Variants in CPLANE1 observed in about 807,000 individuals in gnomAD.
CPLANE1 encodes the protein ciliogenesis and planar polarity effector 1.
CPLANE1 carries 263 observed loss-of-function variants against 362.5 expected under a neutral mutation model. That is an observed-to-expected ratio of 0.73 (90% CI 0.66 to 0.80). The LOEUF (loss-of-function observed/expected upper bound fraction) is 0.80, where lower values mean the gene tolerates loss of function less well. Among genes scored for constraint, CPLANE1 ranks in the 30% least tolerant of loss-of-function variants. The pLI is 0.00. For synonymous variants in CPLANE1, 1,212 were observed against 1,302.6 expected, an observed-to-expected ratio of 0.93 and a Z score of 1.50; for missense variants, 3,461 against 3,793.4, an observed-to-expected ratio of 0.91 and a Z score of 2.30.
chr5:37,210,304 A>C, intron 16 of CPLANE1: 1 of 1,495,578 alleles, frequency 6.7e-7, no homozygotes, highest in East Asian at 2.3e-5. Flanking sequence ...GAACTGAACC[A>C]GAAGCTCCAG....
intron 27 of CPLANE1, among the ~76,000 whole-genome samples, 179 bp from the exon 28 acceptor site, chr5:37,180,362 T>C (rs567831934): frequency 1.2e-4 from 18 of 152,182 alleles, no homozygotes; most frequent in African/African-American, 4.3e-4. Flanking sequence ...TGGTTTCATA[T>C]TTATAAAATC....
chr5:37,093,326 T>C, the CPLANE1 span, among the ~76,000 whole-genome samples: 2 of 152,214 alleles, frequency 1.3e-5, no homozygotes, highest in Non-Finnish European at 2.9e-5. Context: ...AGCCACAAGA[T>C]GCACTGGCAT....
chr5:37,097,137 C>T, the CPLANE1 span, among the ~76,000 whole-genome samples: 2 of 151,972 alleles, frequency 1.3e-5, no homozygotes, highest in African/African-American at 4.8e-5. Context: ...TCACTTGAGG[C>T]CAGGAGTTCG....
chr5:37,196,464 T>C (rs930549143), intron 20 of CPLANE1, among the ~76,000 whole-genome samples: 1 of 152,106 alleles, frequency 6.6e-6, no homozygotes, highest in Non-Finnish European at 1.5e-5. Flanking sequence ...TAGGCAAGGA[T>C]CATTAGTAAA....
rs893557375 is a variant in CPLANE1 at position 37,190,009 on chromosome 5, A to G, written c.3812-2167T>C. On this transcript the variant is annotated intron_variant, in intron 21 of 52. Coordinates refer to ENST00000651892, the MANE Select transcript of CPLANE1 (RefSeq NM_001384732.1). ...CTTGAGATTTTGTCTCAAAAAAAAAAAGAAAAGAAAAGAAGAGTGCATTGC... is the reference window on the plus strand; with the variant it reads ...CTTGAGATTTTGTCTCAAAAAAAAAGAGAAAAGAAAAGAAGAGTGCATTGC... 2.6e-5 allele frequency among the ~76,000 whole-genome samples: 4 copies of G among 151,692 alleles called. No individual in the cohort carries two copies. In the South Asian group the frequency reaches 8.3e-4, roughly 32 times the overall value.
chr5:37,211,230 T>G (rs1792508286), intron 16 of CPLANE1: 2 of 1,484,594 alleles, frequency 1.3e-6, no homozygotes, highest in Non-Finnish European at 1.9e-6. Context: ...TTCCCCTGAT[T>G]CTGACCTTGA....
At chr5:37,104,877 T>G (rs547298237), downstream of CPLANE1, among the ~76,000 whole-genome samples, 1 of 152,006 alleles carries the variant, frequency 6.6e-6, no homozygotes, top group South Asian at 2.1e-4. Flanking sequence ...GAGCCAAGAT[T>G]GTGCCATTGC....
At chr5:37,247,376 G>A (rs1277274294) in intron 2 of CPLANE1, among the ~76,000 whole-genome samples, 2 of 152,124 alleles carry the variant, frequency 1.3e-5, no homozygotes, top group African/African-American at 4.8e-5. Context: ...GAAAAAAATA[G>A]TTTAAGTAAA....
intron 16 of CPLANE1, chr5:37,211,523 C>T: frequency 7.7e-7 from 1 of 1,297,686 alleles, no homozygotes; most frequent in Non-Finnish European, 1.1e-6. Flanking sequence ...CCCTGACAGG[C>T]AGTGCAGCCT....
At chr5:37,210,892 A>T (rs1792411475) in intron 16 of CPLANE1, 1 of 784,764 alleles carries the variant, frequency 1.3e-6, no homozygotes, top group Non-Finnish European at 2.4e-6. Context: ...CTGCACAAAC[A>T]ACTGCAAGAT....
At chr5:37,198,632 T>C (rs1788251036) in intron 20 of CPLANE1, 70 bp downstream of exon 20, 9 of 1,418,824 alleles carry the variant, frequency 6.3e-6, no homozygotes, top group South Asian at 1.4e-5. Context: ...ATAACAATTA[T>C]AAAAACAATA....
At chr5:37,110,143 A>G (rs530164369) in intron 51 of CPLANE1, among the ~76,000 whole-genome samples, 132 of 152,120 alleles carry the variant, frequency 8.7e-4, no homozygotes, top group Non-Finnish European at 1.7e-3. Flanking sequence ...CATAAATTAT[A>G]TTATCTCTCT....
intron 31 of CPLANE1, among the ~76,000 whole-genome samples, chr5:37,175,671 T>C (rs1256521492): frequency 6.6e-6 from 1 of 152,220 alleles, no homozygotes; most frequent in African/African-American, 2.4e-5. Flanking sequence ...CAGAAAAGAC[T>C]GTTCAACATA....
At chr5:37,195,798 A>T (rs1787235287) in intron 21 of CPLANE1, 60 bp downstream of exon 21, 1 of 1,538,466 alleles carries the variant, frequency 6.5e-7, no homozygotes, top group Non-Finnish European at 8.8e-7. Flanking sequence ...TACTTTCCCA[A>T]ATCAAATGAA....
intron 6 of CPLANE1, among the ~76,000 whole-genome samples, chr5:37,242,366 T>G (rs1441194691): frequency 1.3e-5 from 2 of 151,254 alleles, no homozygotes; most frequent in Admixed American, 1.3e-4. Flanking sequence ...AAAAAAAAAA[T>G]GCATATTTTC....
At chr5:37,118,696 C>G (rs1472029019) in intron 50 of CPLANE1, among the ~76,000 whole-genome samples, 1 of 150,434 alleles carries the variant, frequency 6.6e-6, no homozygotes. Context: ...CAGAACCTGC[C>G]ACATAATTAG....
chr5:37,197,366 T>C (rs988222108), intron 20 of CPLANE1, among the ~76,000 whole-genome samples: 3 of 152,070 alleles, frequency 2.0e-5, no homozygotes, highest in African/African-American at 4.8e-5. Flanking sequence ...AATACATTAA[T>C]GGCATTTACT....
the CPLANE1 span, among the ~76,000 whole-genome samples, chr5:37,088,389 T>G: frequency 6.6e-6 from 1 of 152,138 alleles, no homozygotes; most frequent in Non-Finnish European, 1.5e-5. Context: ...GGCTATGGCA[T>G]TAAGGCCTCC....
intron 32 of CPLANE1, among the ~76,000 whole-genome samples, chr5:37,172,371 A>C (rs1339750241): frequency 1.3e-5 from 2 of 152,222 alleles, no homozygotes; most frequent in Non-Finnish European, 2.9e-5. Context: ...AAGAGGGCAT[A>C]GTAAAACACT....
Sources: gnomAD v4.1 joint callset for allele counts (sites outside exome capture counted in the v4.1 genomes callset) on GRCh38, gnomAD v4.1.1 for gene constraint, MANE v1.5 for transcripts, NCBI Gene and HGNC (gene_info 2026-07-23, HGNC 2026-07-21) for gene names.